DPH6: variants seen among roughly 807,000 people sequenced by gnomAD.
The protein encoded by DPH6 is diphthine--ammonia ligase.
A neutral mutation model predicts 38.2 loss-of-function variants in DPH6; 33 were observed. The ratio of observed to expected loss-of-function variants is 0.86; its 90% confidence interval spans 0.65 to 1.15. The LOEUF (loss-of-function observed/expected upper bound fraction) is 1.15, where lower values mean the gene tolerates loss of function less well. Ranked by LOEUF, DPH6 falls within the 50% of genes most tolerant of loss-of-function variation. The pLI is 0.00. For missense variants in DPH6, 325 were observed against 320.0 expected (o/e 1.02, Z -0.12); for synonymous variants, 108 against 103.0 (o/e 1.05, Z -0.30).
chr15:35,297,925 C>G (rs2052025915), intron 3 of DPH6, among the ~76,000 whole-genome samples: 1 of 152,088 alleles, frequency 6.6e-6, no homozygotes, highest in Non-Finnish European at 1.5e-5. Context: ...TAATTTCTAC[C>G]CTTCCATCAC....
chr15:35,165,373 A>G, the DPH6 span, among the ~76,000 whole-genome samples: 1 of 151,912 alleles, frequency 6.6e-6, no homozygotes, highest in Admixed American at 6.6e-5. Flanking sequence ...ATAGAGAACT[A>G]AAATTCATTT....
At chr15:35,398,148 AG>A (rs1267361987) in intron 6 of DPH6, among the ~76,000 whole-genome samples, 4 of 152,084 alleles carry the variant, frequency 2.6e-5, no homozygotes, top group Non-Finnish European at 5.9e-5. Flanking sequence ...TGTAGATAGG[AG>A]TGCCAGGAGA....
chr15:35,160,583 AG>A, the DPH6 span, among the ~76,000 whole-genome samples: 1 of 151,780 alleles, frequency 6.6e-6, no homozygotes, highest in African/African-American at 2.4e-5. Context: ...TCCAATAGGT[AG>A]TTTTTTGACC....
intron 6 of DPH6, among the ~76,000 whole-genome samples, chr15:35,392,099 T>A (rs913235827): frequency 6.6e-6 from 1 of 152,226 alleles, no homozygotes; most frequent in Admixed American, 6.5e-5. Context: ...TGAACAGATG[T>A]GGCTAACTTG....
chr15:35,192,805 A>G, the DPH6 span, among the ~76,000 whole-genome samples: 22,903 of 152,206 alleles, frequency 0.15, 2,161 homozygotes, highest in East Asian at 0.38. Context: ...ACATTCATTT[A>G]TTTATTTCTA....
intron 6 of DPH6, chr15:35,401,457 T>C: frequency 1.3e-6 from 1 of 774,054 alleles, no homozygotes. Context: ...GCTATGGAAG[T>C]GGTGGACAGG....
chr15:35,542,363 G>T, intron 2 of DPH6, 50 bp downstream of exon 2: 2 of 1,425,228 alleles, frequency 1.4e-6, no homozygotes, highest in Admixed American at 1.7e-5. Flanking sequence ...TAATTATGAA[G>T]TTGGAATTTC....
chr15:35,527,322 AAG>A (rs2055018391), intron 3 of DPH6, among the ~76,000 whole-genome samples: 1 of 152,084 alleles, frequency 6.6e-6, no homozygotes, highest in Non-Finnish European at 1.5e-5. Context: ...GAAAAGAAGA[AAG>A]AGATACCCAC....
At chr15:35,145,807 T>G in the DPH6 span, among the ~76,000 whole-genome samples, 1 of 152,218 alleles carries the variant, frequency 6.6e-6, no homozygotes, top group East Asian at 1.9e-4. Flanking sequence ...GAGATATTTC[T>G]ATCTGTATAT....
chr15:35,267,213 G>A (rs1023437230), intron 3 of DPH6, among the ~76,000 whole-genome samples: 2 of 152,338 alleles, frequency 1.3e-5, no homozygotes, highest in South Asian at 2.1e-4. Flanking sequence ...CTTGTAAACT[G>A]TTGTGAGTGG....
intron 3 of DPH6, among the ~76,000 whole-genome samples, chr15:35,509,239 T>C (rs752854544): frequency 3.9e-5 from 6 of 152,214 alleles, no homozygotes; most frequent in Non-Finnish European, 8.8e-5. Flanking sequence ...CATCCTGTTT[T>C]ATATGTAATT....
At chr15:35,314,617 G>C (rs2052172529) in intron 3 of DPH6, among the ~76,000 whole-genome samples, 2 of 152,170 alleles carry the variant, frequency 1.3e-5, no homozygotes, top group African/African-American at 2.4e-5. Flanking sequence ...CAACAACAGA[G>C]AGCAATCATT....
chr15:35,525,488 A>G (rs1393417181), intron 3 of DPH6, among the ~76,000 whole-genome samples: 1 of 152,212 alleles, frequency 6.6e-6, no homozygotes, highest in Non-Finnish European at 1.5e-5. Flanking sequence ...ATCTCATAGC[A>G]CATAGCATAG....
At position 35,315,968 on chromosome 15, in the gene DPH6, C is replaced by G. The variant is rs558148700; in HGVS notation, n.200+57553G>C. 5.9e-5 allele frequency among the ~76,000 whole-genome samples: 9 copies of G among 151,960 alleles called. No individual in the cohort carries two copies. The South Asian group carries it at 6.2e-4, about 11-fold the overall frequency. ...AAGACAAGTAATGCATGTTCATACT[C>G]AATGTAGGAACTAAAAAAGTTGATC... On this transcript the variant is annotated intron_variant and non_coding_transcript_variant, in intron 3 of 3. Transcript: ENST00000560386.
At chr15:35,387,081 C>T (rs1323168538) in intron 6 of DPH6, among the ~76,000 whole-genome samples, 1 of 152,174 alleles carries the variant, frequency 6.6e-6, no homozygotes, top group African/African-American at 2.4e-5. Flanking sequence ...TTTCCCAGCA[C>T]CATTTATTAA....
At chr15:35,150,091 G>A in the DPH6 span, among the ~76,000 whole-genome samples, 4 of 152,198 alleles carry the variant, frequency 2.6e-5, no homozygotes, top group African/African-American at 9.7e-5. Flanking sequence ...GGAGTCTTAC[G>A]ACTTTTTAAT....
intron 3 of DPH6, chr15:35,520,251 A>C: frequency 1.1e-6 from 1 of 883,584 alleles, no homozygotes; most frequent in Non-Finnish European, 1.4e-6. Flanking sequence ...CAAAAGAAGA[A>C]GAATCAAAAC....
chr15:35,397,679 G>A (rs981728074), intron 6 of DPH6, among the ~76,000 whole-genome samples: 5 of 151,952 alleles, frequency 3.3e-5, no homozygotes, highest in Non-Finnish European at 5.9e-5. Flanking sequence ...AAAGAAAAAG[G>A]GCACTAATTA....
chr15:35,378,527 T>C (rs975369026), intron 7 of DPH6, among the ~76,000 whole-genome samples: 1 of 152,150 alleles, frequency 6.6e-6, no homozygotes, highest in Non-Finnish European at 1.5e-5. Context: ...CACATGCACA[T>C]GTATGTTTAT....
Sources: allele counts gnomAD v4.1 joint callset (sites outside exome capture counted in the v4.1 genomes callset), GRCh38; gene constraint gnomAD v4.1.1; transcripts MANE v1.5; gene names NCBI Gene and HGNC (gene_info 2026-07-23, HGNC 2026-07-21).